The following AP2B1 variants were observed in gnomAD, a reference collection of about 807,000 sequenced individuals.
AP2B1 encodes the protein adaptor related protein complex 2 subunit beta 1.
Under a neutral mutation model 102.0 loss-of-function variants are expected in AP2B1, and 23 were observed. The ratio of observed to expected loss-of-function variants is 0.23; its 90% CI spans 0.16 to 0.32. AP2B1 has a LOEUF of 0.32. AP2B1 is among the 10% of genes least tolerant of loss of function. The pLI is 1.00. For missense variants in AP2B1, 541 were observed against 1,157.4 expected (o/e 0.47, Z 7.73); for synonymous variants, 381 against 421.2 (o/e 0.90, Z 1.17).
At chr17:35,723,001 G>A (rs1284201962) in intron 21 of AP2B1, among the ~76,000 whole-genome samples, 1 of 152,190 alleles carries the variant, frequency 6.6e-6, no homozygotes, top group Non-Finnish European at 1.5e-5. Context: ...TGATTTGCCT[G>A]TCTAAAGAGG....
At chr17:35,709,075 A>AC in intron 18 of AP2B1, 149 bp from the exon 19 acceptor site, 1 of 670,614 alleles carries the variant, frequency 1.5e-6, no homozygotes, top group Non-Finnish European at 2.7e-6. Flanking sequence ...GCTTTGCAGT[A>AC]TATGGGCCAG....
intron 9 of AP2B1, among the ~76,000 whole-genome samples, chr17:35,628,594 G>T (rs1432599135): frequency 6.6e-6 from 1 of 151,672 alleles, no homozygotes; most frequent in Middle Eastern, 3.2e-3. Flanking sequence ...TTTTCACTCT[G>T]GGTGACAGAG....
chr17:35,687,937 A>T (rs1197414914), intron 18 of AP2B1, among the ~76,000 whole-genome samples: 1 of 152,238 alleles, frequency 6.6e-6, no homozygotes, highest in Non-Finnish European at 1.5e-5. Flanking sequence ...CTTTTTGTAG[A>T]TAATTGGAGT....
At chr17:35,636,589 A>C in intron 10 of AP2B1, 133 bp downstream of exon 10, 1 of 557,374 alleles carries the variant, frequency 1.8e-6, no homozygotes. Context: ...AAAAATCGGA[A>C]ACATTAAAAT....
chr17:35,627,859 G>C (rs977394011), intron 9 of AP2B1, 133 bp downstream of exon 9: 2 of 693,752 alleles, frequency 2.9e-6, no homozygotes, highest in Non-Finnish European at 4.6e-6. Flanking sequence ...ATTTTTAATG[G>C]AAAGCAGCTG....
intron 20 of AP2B1, 86 bp from the exon 21 acceptor site, chr17:35,717,109 A>G: frequency 2.7e-6 from 4 of 1,460,108 alleles, no homozygotes; most frequent in Non-Finnish European, 3.8e-6. Context: ...AACTGAACAC[A>G]CATGGCTCAT....
intron 6 of AP2B1, among the ~76,000 whole-genome samples, chr17:35,625,115 AT>A (rs2074281151): frequency 1.3e-5 from 2 of 152,256 alleles, no homozygotes; most frequent in African/African-American, 4.8e-5. Flanking sequence ...AATGTTGCAA[AT>A]TTTCTTTGGT....
intron 17 of AP2B1, among the ~76,000 whole-genome samples, chr17:35,680,686 GT>G (rs1167550201): frequency 3.8e-4 from 23 of 59,926 alleles, no homozygotes; most frequent in Middle Eastern, 9.8e-3. Context: ...TATGGTTTTG[GT>G]TTTTTTTTTT....
intron 12 of AP2B1, among the ~76,000 whole-genome samples, chr17:35,647,938 C>T (rs909962976): frequency 2.8e-4 from 41 of 146,666 alleles, no homozygotes; most frequent in Non-Finnish European, 3.0e-5. Flanking sequence ...GTCATCCAGG[C>T]TGGACTGCAG....
At chr17:35,613,059 A>C (rs2073913496) in intron 5 of AP2B1, among the ~76,000 whole-genome samples, 1 of 151,666 alleles carries the variant, frequency 6.6e-6, no homozygotes, top group Admixed American at 6.6e-5. Flanking sequence ...CCAGTGATGG[A>C]TATGAGTCCT....
chr17:35,670,931 G>A lies in AP2B1; in HGVS notation c.2031+33G>A, dbSNP rs115641617. 5.1e-4 allele frequency: 828 copies of A among 1,611,736 alleles called. 4 individuals carry two copies. The African/African-American group carries it at 9.7e-3, about 19-fold the overall frequency. ...CCATCTGTTTTTTTCACCATGAGAAGCACTGCCCCCTGTTTGATGCCTTTC... is the reference window on the plus strand; with the variant it reads ...CCATCTGTTTTTTTCACCATGAGAAACACTGCCCCCTGTTTGATGCCTTTC... On this transcript the variant is annotated intron_variant, in intron 15 of 21. Transcript: ENST00000610402.
intron 15 of AP2B1, 120 bp from the exon 16 acceptor site, chr17:35,671,634 A>G: frequency 1.0e-6 from 1 of 1,001,410 alleles, no homozygotes; most frequent in Non-Finnish European, 1.5e-6. Context: ...TCCTAAGAAT[A>G]TTGTAATTAT....
chr17:35,595,174 TA>T (rs1421011971), intron 2 of AP2B1, among the ~76,000 whole-genome samples: 64 of 152,182 alleles, frequency 4.2e-4, no homozygotes, highest in Non-Finnish European at 6.2e-4. Context: ...AACTTTGAAA[TA>T]ATACTGATGC....
intron 14 of AP2B1, among the ~76,000 whole-genome samples, chr17:35,658,323 G>C (rs936269930): frequency 2.7e-5 from 4 of 148,346 alleles, no homozygotes; most frequent in Non-Finnish European, 5.9e-5. Context: ...ATTACAGTTG[G>C]GAAGGGCTGC....
chr17:35,686,837 G>T (rs1331480876), intron 18 of AP2B1, among the ~76,000 whole-genome samples: 1 of 152,108 alleles, frequency 6.6e-6, no homozygotes, highest in Non-Finnish European at 1.5e-5. Context: ...ATGGTGGCAG[G>T]TGCCTGTAGT....
intron 5 of AP2B1, among the ~76,000 whole-genome samples, chr17:35,609,201 T>C (rs1386290386): frequency 6.6e-6 from 1 of 152,206 alleles, no homozygotes; most frequent in Non-Finnish European, 1.5e-5. Flanking sequence ...TATTTATTTT[T>C]TACAGATAGG....
chr17:35,637,297 G>C (rs2074634992), intron 10 of AP2B1, among the ~76,000 whole-genome samples: 3 of 151,852 alleles, frequency 2.0e-5, no homozygotes, highest in Admixed American at 2.0e-4. Flanking sequence ...TGATTCTCCT[G>C]CCTCAGCTTC....
Position 35,594,069 on chromosome 17 carries a change from TA to T in AP2B1, c.37+4del. On this transcript the variant is annotated splice_donor_region_variant and intron_variant, in intron 2 of 21. Coordinates refer to ENST00000610402, the MANE Select transcript of AP2B1 (RefSeq NM_001030006.2). ...AGTATTTCACAACCAATAAAAAAGG[TA>T]AGTATGAGAATACAATCAAATCTTT... is the stretch of plus-strand genomic sequence containing the variant. 6.3e-7 allele frequency: 1 copy of T among 1,586,724 alleles called. No individual in the cohort carries two copies. Among genetic ancestry groups the T allele is most frequent in the Non-Finnish European group, 8.6e-7 (1 of 1,163,528 alleles).
At chr17:35,616,265 T>C (rs1166422513) in intron 5 of AP2B1, among the ~76,000 whole-genome samples, 1 of 145,442 alleles carries the variant, frequency 6.9e-6, no homozygotes, top group Non-Finnish European at 1.5e-5. Flanking sequence ...CCCGGGTTCA[T>C]GCCATTCTCA....
Sources: allele counts gnomAD v4.1 joint callset (sites outside exome capture counted in the v4.1 genomes callset), GRCh38; gene constraint gnomAD v4.1.1; transcripts MANE v1.5; gene names NCBI Gene and HGNC (gene_info 2026-07-23, HGNC 2026-07-21).